Variants in SGCZ observed in about 807,000 individuals in gnomAD.
SGCZ encodes zeta-sarcoglycan.
Under a neutral mutation model 41.3 loss-of-function variants are expected in SGCZ, and 40 were observed. The ratio of observed to expected loss-of-function variants is 0.97; its 90% CI spans 0.75 to 1.26. SGCZ has a LOEUF of 1.26. Ranked by LOEUF, SGCZ falls within the 50% of genes most tolerant of loss-of-function variation. The pLI is 0.00. For missense variants in SGCZ, 552 were observed against 369.8 expected (o/e 1.49, Z -4.04); for synonymous variants, 206 against 137.5 (o/e 1.50, Z -3.49).
At chr8:14,880,895 G>A (rs1804561524) in intron 1 of SGCZ, among the ~76,000 whole-genome samples, 1 of 151,846 alleles carries the variant, frequency 6.6e-6, no homozygotes, top group African/African-American at 2.4e-5. Context: ...CATGGCACAT[G>A]TATACATATG....
chr8:14,731,721 T>C (rs1465387608), intron 1 of SGCZ, among the ~76,000 whole-genome samples: 3 of 152,158 alleles, frequency 2.0e-5, no homozygotes. Flanking sequence ...AGATTACATA[T>C]TTTAATTTTT....
intron 2 of SGCZ, among the ~76,000 whole-genome samples, chr8:14,358,567 ATTAAC>A (rs1384054074): frequency 6.6e-6 from 1 of 152,226 alleles, no homozygotes; most frequent in Non-Finnish European, 1.5e-5. Flanking sequence ...TGCTATAAAT[ATTAAC>A]TTAGGAAAAT....
intron 1 of SGCZ, among the ~76,000 whole-genome samples, chr8:14,829,369 C>A (rs965003515): frequency 6.6e-6 from 1 of 152,044 alleles, no homozygotes; most frequent in Non-Finnish European, 1.5e-5. Flanking sequence ...TGGTATCATC[C>A]CTTACAAAAG....
intron 1 of SGCZ, among the ~76,000 whole-genome samples, chr8:14,849,675 T>C (rs1301002161): frequency 2.6e-5 from 4 of 152,114 alleles, no homozygotes; most frequent in Non-Finnish European, 5.9e-5. Flanking sequence ...TCTGAGGAAG[T>C]ATCAGGAGTC....
At chr8:14,927,808 G>A (rs545266914) in intron 1 of SGCZ, among the ~76,000 whole-genome samples, 123 of 152,218 alleles carry the variant, frequency 8.1e-4, no homozygotes, top group African/African-American at 2.9e-3. Flanking sequence ...CTTCTAGTCT[G>A]ACCCTATGTT....
At chr8:14,283,817 A>G (rs6999312) in intron 3 of SGCZ, among the ~76,000 whole-genome samples, 110,506 of 152,126 alleles carry the variant, frequency 0.73, 40,494 homozygotes, top group African/African-American at 0.81. Flanking sequence ...CCATCAACCA[A>G]TGTCCACTGC....
At chr8:15,175,097 C>T (rs746699233) in intron 1 of SGCZ, among the ~76,000 whole-genome samples, 3 of 152,004 alleles carry the variant, frequency 2.0e-5, no homozygotes, top group Admixed American at 6.6e-5. Flanking sequence ...ACGTGTATCC[C>T]AGAACTTAAA....
chr8:14,127,929 C>T (rs1286203873), intron 5 of SGCZ, among the ~76,000 whole-genome samples: 1 of 152,162 alleles, frequency 6.6e-6, no homozygotes, highest in South Asian at 2.1e-4. Flanking sequence ...CAACCTCCCC[C>T]CGCATCAAGT....
At chr8:14,861,179 T>C (rs1342621877) in intron 1 of SGCZ, among the ~76,000 whole-genome samples, 1 of 152,178 alleles carries the variant, frequency 6.6e-6, no homozygotes, top group African/African-American at 2.4e-5. Flanking sequence ...AGAAAACTTG[T>C]TTCTAAGAAA....
At chr8:14,794,582 T>A (rs1010577563) in intron 1 of SGCZ, among the ~76,000 whole-genome samples, 1 of 152,148 alleles carries the variant, frequency 6.6e-6, no homozygotes, top group Non-Finnish European at 1.5e-5. Context: ...AGTGCAACAT[T>A]CATATAAAAG....
chr8:14,255,229 T>C lies in SGCZ; in HGVS notation c.337-17550A>G, dbSNP rs569875576. Among the ~76,000 whole-genome samples the C allele has an allele frequency of 1.1e-4, 16 of 152,310 alleles. No homozygotes were observed. In the South Asian group the frequency reaches 3.1e-3, roughly 30 times the overall value. On this transcript the variant is annotated intron_variant, in intron 3 of 7. Transcript: ENST00000382080. ...ATACTCCCAGGAATCATTCCAGTCA[T>C]AATTGTTGGTAATTTCAGTTACCAT...
rs142556430 is a variant in SGCZ at position 14,384,735 on chromosome 8, G to C, written c.235-60531C>G. ...CCACCATACCCGGCTAATTTTTGTA[G>C]AGACGAGGTTTTGCCATGTTGGCCG... is the stretch of plus-strand genomic sequence containing the variant. On this transcript the variant is annotated intron_variant, in intron 2 of 7. Coordinates refer to ENST00000382080, the MANE Select transcript of SGCZ (RefSeq NM_139167.4). Among the ~76,000 whole-genome samples the C allele has an allele frequency of 1.1e-3, 163 of 152,158 alleles. 3 individuals are homozygous for C. In the East Asian group the frequency reaches 0.026, roughly 24 times the overall value.
Position 14,605,053 on chromosome 8 carries a change from T to C in SGCZ, c.40-50127A>G, listed in dbSNP as rs543182748. ...ACCTAATCTCAGTAATTTGAGTCCA[T>C]TATTTGTTTCTAACTAATCTCTTAA... is the stretch of plus-strand genomic sequence containing the variant. On this transcript the variant is annotated intron_variant, in intron 1 of 7. Transcript: ENST00000382080. Among the ~76,000 whole-genome samples, 5 of 152,310 alleles carry C rather than the reference T, an allele frequency of 3.3e-5. No individual in the cohort carries two copies. In the South Asian group the frequency reaches 1.0e-3, roughly 32 times the overall value.
At chr8:14,246,482 A>G (rs1585275161) in intron 3 of SGCZ, among the ~76,000 whole-genome samples, 1 of 152,064 alleles carries the variant, frequency 6.6e-6, no homozygotes, top group East Asian at 1.9e-4. Flanking sequence ...GCATTAGGAG[A>G]TATACCTAAT....
At chr8:14,376,583 C>A (rs547656038) in intron 2 of SGCZ, among the ~76,000 whole-genome samples, 158 of 152,146 alleles carry the variant, frequency 1.0e-3, no homozygotes, top group African/African-American at 3.7e-3. Flanking sequence ...AAAGACTCTA[C>A]CCAACCTTCA....
At chr8:14,506,615 CA>C (rs1393010419) in intron 2 of SGCZ, among the ~76,000 whole-genome samples, 7 of 152,172 alleles carry the variant, frequency 4.6e-5, no homozygotes, top group Non-Finnish European at 1.0e-4. Context: ...CTTTTTGTTC[CA>C]TCTCAAATGT....
intron 1 of SGCZ, among the ~76,000 whole-genome samples, chr8:14,718,704 T>C (rs1261881328): frequency 2.0e-5 from 3 of 151,886 alleles, no homozygotes; most frequent in African/African-American, 7.2e-5. Flanking sequence ...ACAGTGTTGA[T>C]GATCTTTAAT....
intron 1 of SGCZ, among the ~76,000 whole-genome samples, chr8:14,656,615 T>TC (rs1807587083): frequency 1.4e-5 from 2 of 147,930 alleles, no homozygotes; most frequent in African/African-American, 5.0e-5. Context: ...CCCTCTCCTC[T>TC]CTCTCTCTCT....
intron 1 of SGCZ, among the ~76,000 whole-genome samples, chr8:14,797,891 C>A (rs978119011): frequency 3.3e-5 from 5 of 152,180 alleles, no homozygotes; most frequent in African/African-American, 4.8e-5. Context: ...CAAGCCTTGG[C>A]AGTTTACACG....
Sources: allele counts gnomAD v4.1 joint callset (sites outside exome capture counted in the v4.1 genomes callset), GRCh38; gene constraint gnomAD v4.1.1; transcripts MANE v1.5; gene names NCBI Gene and HGNC (gene_info 2026-07-23, HGNC 2026-07-21).